BCR: variants seen among roughly 807,000 people sequenced by gnomAD.
BCR encodes breakpoint cluster region protein.
Under a neutral mutation model 138.6 loss-of-function variants are expected in BCR, and 58 were observed. The ratio of observed to expected loss-of-function variants is 0.42; its 90% CI spans 0.34 to 0.52. The LOEUF is 0.52. BCR is among the 20% of genes least tolerant of loss of function. BCR has a pLI of 0.06. For missense variants in BCR, 1,599 were observed against 1,727.2 expected (o/e 0.93, Z 1.32); for synonymous variants, 786 against 730.1 (o/e 1.08, Z -1.23).
intron 1 of BCR, among the ~76,000 whole-genome samples, chr22:23,246,196 G>C (rs894652214): frequency 6.6e-6 from 1 of 152,142 alleles, no homozygotes; most frequent in East Asian, 1.9e-4. Flanking sequence ...AGGCCTAGGC[G>C]AGAGGACCAC....
chr22:23,182,017 G>C lies in BCR; in HGVS notation c.1057G>C (p.Val353Leu), dbSNP rs1285529312. The part of the protein sequence containing the change: ...EDFSSGQSSR[V>L]SPSPTTYRMF... ...CTTCTCCTCTGGCCAGTCCAGCCGC[G>C]TGTCCCCAAGCCCCACCACCTACCG... The change falls in exon 1 of 23, where the codon GTG becomes CTG. Residue 353 changes from valine to leucine, a missense_variant. Physicochemically the swap from Val to Leu is conservative, Grantham distance 32 (BLOSUM62 1). Coordinates refer to ENST00000305877, the MANE Select transcript of BCR (RefSeq NM_004327.4). 1.2e-6 allele frequency: 2 copies of C among 1,612,762 alleles called. No homozygotes were observed. The highest frequency in any genetic ancestry group is 2.2e-5 in the South Asian group (2 of 91,042).
Position 23,309,616 on chromosome 22 carries a change from G to A in BCR, c.3072+133G>A. ...GAGGGAGCCTGGTTGGAGAAGGGAG[G>A]GCCCCCAAGAGCAGAATCACCATGC... On this transcript the variant is annotated intron_variant, in intron 17 of 22. Transcript: ENST00000305877. 2.2e-5 allele frequency: 15 copies of A among 684,924 alleles called. No individual in the cohort carries two copies. In the South Asian group the frequency reaches 2.7e-4, roughly 12 times the overall value. 42.4% of individuals were successfully genotyped at this position (684,924 alleles called of 1,614,324 possible). A position where few individuals can be genotyped will look rare whatever the true frequency, so the allele number is the denominator to read the frequency against.
At chr22:23,222,022 C>T (rs921602223) in intron 1 of BCR, among the ~76,000 whole-genome samples, 4 of 151,954 alleles carry the variant, frequency 2.6e-5, no homozygotes, top group Non-Finnish European at 4.4e-5. Flanking sequence ...ACCCAGGAGG[C>T]GGAGGTTGCA....
Position 23,285,138 on chromosome 22 carries a change from T to C in BCR, c.2343T>C (p.Asp781=). 6.2e-7 allele frequency: 1 copy of C among 1,613,982 alleles called. No individual in the cohort carries two copies. The highest frequency in any genetic ancestry group is 1.1e-5 in the South Asian group (1 of 91,048). The change falls in exon 10 of 23, where the codon GAT becomes GAC. Residue 781 remains aspartate (D), a synonymous_variant. Transcript: ENST00000305877. Reference sequence around the variant, plus strand: ...TGCCCAACATCCCCCTGGTGCCCGATGAGGAGCTGGACGCTTTGAAGATCA... The same window carrying C: ...TGCCCAACATCCCCCTGGTGCCCGACGAGGAGCTGGACGCTTTGAAGATCA... ...EAVPNIPLVP[D]EELDALKIKI...
At chr22:23,225,324 C>T (rs1039948226) in intron 1 of BCR, among the ~76,000 whole-genome samples, 10 of 152,186 alleles carry the variant, frequency 6.6e-5, no homozygotes, top group African/African-American at 9.7e-5. Context: ...GATTTCCTCT[C>T]TGTCCCCATC....
intron 1 of BCR, among the ~76,000 whole-genome samples, chr22:23,193,860 G>A (rs116533693): frequency 0.017 from 2,622 of 152,300 alleles, 71 homozygotes; most frequent in African/African-American, 0.059. Context: ...CAGGTCACCC[G>A]CAGGGGTCAT....
At chr22:23,283,554 T>C in intron 8 of BCR, 1 of 168,006 alleles carries the variant, frequency 6.0e-6, no homozygotes, top group Non-Finnish European at 1.3e-5. Flanking sequence ...GCTGGCTTCT[T>C]GCCAATTCTG....
chr22:23,269,132 A>G (rs16998919), intron 5 of BCR, among the ~76,000 whole-genome samples: 8,461 of 152,320 alleles, frequency 0.056, 802 homozygotes, highest in African/African-American at 0.19. Flanking sequence ...GCCTCGAAAG[A>G]GTCATTCAGA....
chr22:23,299,509 C>G (rs1041332561), intron 16 of BCR, among the ~76,000 whole-genome samples: 45 of 152,222 alleles, frequency 3.0e-4, no homozygotes, highest in African/African-American at 8.7e-4. Flanking sequence ...CCCCAACTCC[C>G]ATCACGTCCC....
chr22:23,242,960 C>A, intron 1 of BCR: 1 of 447,262 alleles, frequency 2.2e-6, no homozygotes, highest in African/African-American at 2.0e-5. Flanking sequence ...TCTCCAGTCC[C>A]TGCCTCCGCC....
intron 1 of BCR, among the ~76,000 whole-genome samples, chr22:23,233,397 G>A (rs1485318248): frequency 3.3e-5 from 5 of 152,152 alleles, no homozygotes; most frequent in Admixed American, 2.6e-4. Flanking sequence ...TCCCCACACC[G>A]ACTTCCTAAA....
intron 1 of BCR, chr22:23,251,317 C>T (rs1485669873): frequency 6.6e-6 from 1 of 152,240 alleles, no homozygotes; most frequent in Non-Finnish European, 1.5e-5. Context: ...CTAGATTCCC[C>T]CAGGAAGCCC....
intron 8 of BCR, among the ~76,000 whole-genome samples, chr22:23,279,461 A>T (rs2073617445): frequency 6.6e-6 from 1 of 152,188 alleles, no homozygotes; most frequent in Non-Finnish European, 1.5e-5. Context: ...ATCCCTGCAT[A>T]GACAGGGCCA....
chr22:23,194,302 G>T (rs5759634), intron 1 of BCR, among the ~76,000 whole-genome samples: 152,356 of 152,356 alleles, frequency 1, 76,178 homozygotes, highest in Non-Finnish European at 1. Flanking sequence ...TTTTCAGATG[G>T]TCTTGATGTG....
At chr22:23,204,131 C>T (rs1248583179) in intron 1 of BCR, among the ~76,000 whole-genome samples, 1 of 152,118 alleles carries the variant, frequency 6.6e-6, no homozygotes, top group South Asian at 2.1e-4. Context: ...ACTGACTAGT[C>T]GTCCTGCACC....
intron 6 of BCR, 48 bp from the exon 7 acceptor site, chr22:23,273,033 T>C: frequency 1.9e-6 from 3 of 1,598,182 alleles, no homozygotes; most frequent in Non-Finnish European, 2.6e-6. Context: ...AGGCAGCTGG[T>C]GTGCTTCTCC....
chr22:23,208,128 T>A (rs968921789), intron 1 of BCR, among the ~76,000 whole-genome samples: 1 of 152,224 alleles, frequency 6.6e-6, no homozygotes, highest in African/African-American at 2.4e-5. Context: ...TTTGCAGAGC[T>A]TCATGCTTCA....
chr22:23,245,648 C>A (rs1411682347), intron 1 of BCR, among the ~76,000 whole-genome samples: 1 of 152,130 alleles, frequency 6.6e-6, no homozygotes, highest in East Asian at 1.9e-4. Context: ...ACCACCAGAA[C>A]CAACCACACA....
chr22:23,230,688 G>T (rs1213273512), intron 1 of BCR, among the ~76,000 whole-genome samples: 1 of 152,204 alleles, frequency 6.6e-6, no homozygotes, highest in Non-Finnish European at 1.5e-5. Flanking sequence ...ATGGCCATCT[G>T]CATGTTCACT....
Sources: allele counts gnomAD v4.1 joint callset (sites outside exome capture counted in the v4.1 genomes callset), GRCh38; gene constraint gnomAD v4.1.1; transcripts MANE v1.5; gene names NCBI Gene and HGNC (gene_info 2026-07-23, HGNC 2026-07-21).